The following ZNF423 variants were observed in gnomAD, a reference collection of about 807,000 sequenced individuals.
The protein encoded by ZNF423 is Ebf-associated zinc finger protein.
Under a neutral mutation model 95.8 loss-of-function variants are expected in ZNF423, and 12 were observed. The ratio of observed to expected loss-of-function variants is 0.13; its 90% CI spans 0.08 to 0.20. The LOEUF is 0.20. Ranked by LOEUF, ZNF423 falls within the 10% of genes least tolerant of loss-of-function variation. ZNF423 has a pLI of 1.00. For synonymous variants in ZNF423, 749 were observed against 711.9 expected (o/e 1.05, Z -0.83); for missense variants, 1,316 against 1,737.1 (o/e 0.76, Z 4.31).
At chr16:49,602,415 G>T (rs965067804) in intron 5 of ZNF423, among the ~76,000 whole-genome samples, 10 of 152,230 alleles carry the variant, frequency 6.6e-5, no homozygotes, top group African/African-American at 2.4e-4. Context: ...CCAGGCTGAG[G>T]GTGGGGGTGA....
chr16:49,840,271 T>G (rs1340924557), intron 1 of ZNF423, among the ~76,000 whole-genome samples: 1 of 152,188 alleles, frequency 6.6e-6, no homozygotes. Context: ...TAAAAAAAAT[T>G]TTAACTCTGT....
At chr16:49,632,255 C>CT (rs1972529914) in intron 4 of ZNF423, among the ~76,000 whole-genome samples, 2 of 152,146 alleles carry the variant, frequency 1.3e-5, no homozygotes, top group Admixed American at 6.6e-5. Context: ...GGAACCCAGT[C>CT]CTCTGAGAGC....
At chr16:49,815,392 A>T (rs2034821029) in intron 1 of ZNF423, among the ~76,000 whole-genome samples, 1 of 152,036 alleles carries the variant, frequency 6.6e-6, no homozygotes, top group Admixed American at 6.5e-5. Flanking sequence ...TAAGGCACAG[A>T]CCTCATTCAC....
chr16:49,778,518 G>GCCCACCT (rs2034158280), intron 2 of ZNF423, among the ~76,000 whole-genome samples: 1 of 143,434 alleles, frequency 7.0e-6, no homozygotes, highest in African/African-American at 2.6e-5. Context: ...AGCAGACCCA[G>GCCCACCT]CCCACCTCCC....
intron 3 of ZNF423, among the ~76,000 whole-genome samples, chr16:49,685,120 C>CAGATCA (rs1413056858): frequency 2.0e-5 from 3 of 152,178 alleles, no homozygotes; most frequent in Non-Finnish European, 4.4e-5. Flanking sequence ...CCAGGCACAA[C>CAGATCA]AGCTCAAGCT....
At chr16:49,549,431 C>A (rs542396114) in intron 5 of ZNF423, among the ~76,000 whole-genome samples, 2 of 152,208 alleles carry the variant, frequency 1.3e-5, no homozygotes, top group Non-Finnish European at 2.9e-5. Context: ...GGGGCATGGG[C>A]TCCCCTGTGA....
At chr16:49,682,479 G>C (rs1353138401) in intron 3 of ZNF423, among the ~76,000 whole-genome samples, 1 of 152,196 alleles carries the variant, frequency 6.6e-6, no homozygotes, top group Non-Finnish European at 1.5e-5. Flanking sequence ...CTGGAGCAGG[G>C]ACACAGCCTG....
chr16:49,831,981 C>CA (rs796358974), intron 1 of ZNF423, among the ~76,000 whole-genome samples: 4,225 of 122,514 alleles, frequency 0.034, 215 homozygotes, highest in African/African-American at 0.11. Context: ...AAGACTATCT[C>CA]AAAAAAAAAA....
intron 2 of ZNF423, among the ~76,000 whole-genome samples, chr16:49,759,785 T>A (rs2033793879): frequency 6.6e-6 from 1 of 152,142 alleles, no homozygotes; most frequent in South Asian, 2.1e-4. Flanking sequence ...CTTTTTTGTG[T>A]AATTCCACAA....
rs956004430 is a variant in ZNF423, at chr16:49,598,992, C to T, written c.3601+27178G>A. Among the ~76,000 whole-genome samples the T allele has an allele frequency of 2.6e-5, 4 of 152,132 alleles. 1 individual carries two copies. The South Asian group carries it at 6.2e-4, about 24-fold the overall frequency. On this transcript the variant is annotated intron_variant, in intron 5 of 7. Coordinates refer to ENST00000563137, the MANE Select transcript of ZNF423 (RefSeq NM_001379286.1). The stretch of plus-strand genomic sequence containing the variant: ...GCTGGAATGAAAGGCTACATGGTTT[C>T]GAAGAAAGCCCCAGTTTCTGAACTG...
At position 49,543,215 on chromosome 16, in the gene ZNF423, A is replaced by G. The variant is rs188138705; in HGVS notation, c.3602-17721T>C. 4.6e-3 allele frequency among the ~76,000 whole-genome samples: 708 copies of G among 152,276 alleles called. 7 individuals are homozygous for G. Among genetic ancestry groups the G allele is most frequent in the Non-Finnish European group, 7.6e-3 (520 of 68,004 alleles). On this transcript the variant is annotated intron_variant, in intron 5 of 7. Transcript: ENST00000563137. ...CTGATGAATCATAAAAGGGCTCAACACACAAAGAAAATCCAAAAAGAATGT... is the reference window on the plus strand; with the variant it reads ...CTGATGAATCATAAAAGGGCTCAACGCACAAAGAAAATCCAAAAAGAATGT...
chr16:49,562,207 A>T (rs1970039186), intron 5 of ZNF423, among the ~76,000 whole-genome samples: 1 of 152,250 alleles, frequency 6.6e-6, no homozygotes, highest in Non-Finnish European at 1.5e-5. Flanking sequence ...AGGGAGAAGC[A>T]GAGAAAAACA....
chr16:49,735,638 G>T (rs537596689), intron 2 of ZNF423, among the ~76,000 whole-genome samples: 1 of 152,288 alleles, frequency 6.6e-6, no homozygotes, highest in Admixed American at 6.5e-5. Context: ...AAGGAGGCTT[G>T]CAGCTTCCCC....
chr16:49,679,893 T>G (rs11640296), intron 3 of ZNF423, among the ~76,000 whole-genome samples: 93,815 of 152,136 alleles, frequency 0.62, 31,360 homozygotes, highest in Admixed American at 0.76. Flanking sequence ...CTTCCTCCCT[T>G]CTGAAGCCCA....
chr16:49,541,897 C>T (rs369979585), intron 5 of ZNF423, among the ~76,000 whole-genome samples: 15 of 152,346 alleles, frequency 9.8e-5, no homozygotes, highest in African/African-American at 2.4e-4. Flanking sequence ...CCCAGCCCTG[C>T]GGAACTGCAA....
chr16:49,631,887 G>A (rs1050564135), intron 4 of ZNF423, among the ~76,000 whole-genome samples: 1 of 152,234 alleles, frequency 6.6e-6, no homozygotes, highest in African/African-American at 2.4e-5. Context: ...CACTTGGTCA[G>A]AGCCTCTTGC....
At chr16:49,810,434 T>C (rs1203225721) in intron 1 of ZNF423, among the ~76,000 whole-genome samples, 4 of 152,144 alleles carry the variant, frequency 2.6e-5, no homozygotes, top group African/African-American at 9.7e-5. Context: ...CCAAGAGGCC[T>C]TCCCAGATCC....
Position 49,526,885 on chromosome 16 carries a change from A to C in ZNF423, c.3602-1391T>G, listed in dbSNP as rs183492668. Among the ~76,000 whole-genome samples the C allele has an allele frequency of 1.8e-4, 27 of 152,310 alleles. 1 individual carries two copies. The highest frequency in any genetic ancestry group is 4.6e-4 in the Admixed American group (7 of 15,306). ...ATAAGTGTTTACTGCCAGGCATGTC[A>C]GTGTTGGTGAGAGTATTATCTGGGA... On this transcript the variant is annotated intron_variant, in intron 5 of 7. Coordinates refer to ENST00000563137, the MANE Select transcript of ZNF423 (RefSeq NM_001379286.1).
intron 2 of ZNF423, among the ~76,000 whole-genome samples, chr16:49,779,616 T>A (rs2034175961): frequency 6.6e-6 from 1 of 152,066 alleles, no homozygotes; most frequent in African/African-American, 2.4e-5. Flanking sequence ...CCCAAATGCA[T>A]GAGGAGTTAT....
Sources: allele counts gnomAD v4.1 joint callset (sites outside exome capture counted in the v4.1 genomes callset), GRCh38; gene constraint gnomAD v4.1.1; transcripts MANE v1.5; gene names NCBI Gene and HGNC (gene_info 2026-07-23, HGNC 2026-07-21).